The following POFUT2 variants were observed in gnomAD, a reference collection of about 807,000 sequenced individuals.
The protein encoded by POFUT2 is GDP-fucose protein O-fucosyltransferase 2.
Under a neutral mutation model 55.0 loss-of-function variants are expected in POFUT2, and 30 were observed. The observed-to-expected ratio is 0.55, with a 90% CI of 0.41 to 0.74. POFUT2 has a LOEUF of 0.74. Ranked by LOEUF, POFUT2 falls within the 30% of genes least tolerant of loss-of-function variation. POFUT2 has a pLI of 0.00. For synonymous variants in POFUT2, 267 were observed against 231.1 expected (o/e 1.16, Z -1.41); for missense variants, 524 against 562.6 (o/e 0.93, Z 0.69).
intron 4 of POFUT2, among the ~76,000 whole-genome samples, chr21:45,278,470 G>T (rs2030097912): frequency 6.6e-6 from 1 of 152,230 alleles, no homozygotes; most frequent in South Asian, 2.1e-4. Context: ...TTGGAATCCA[G>T]GATCCACCGA....
In POFUT2 at chr21:45,267,553, C is replaced by G. The variant is rs150469315; in HGVS notation, c.1136+37G>C. 3 of 1,614,154 alleles carry G rather than the reference C, an allele frequency of 1.9e-6. No homozygotes were observed. Among genetic ancestry groups the G allele is most frequent in the Non-Finnish European group, 2.5e-6 (3 of 1,180,034 alleles). On this transcript the variant is annotated intron_variant, in intron 8 of 8. Coordinates refer to ENST00000349485, the MANE Select transcript of POFUT2 (RefSeq NM_133635.6). This position sits in a 1 kb window ranked among gnomAD's most constrained non-coding sequence, Gnocchi z 4.4. ...GACAGAAGAACCTTTGAAAGCCACC[C>G]GACCCGCTCTCGGCCGACAGTGACG...
In POFUT2 at chr21:45,265,195, T is replaced by G; in HGVS notation, c.*287A>C. 1 of 305,080 alleles carries G rather than the reference T, an allele frequency of 3.3e-6. No individual in the cohort carries two copies. The allele number at this position is 305,080 out of a possible 1,614,324, so 18.9% of individuals were successfully genotyped here. ...CCTGACAAACACTCCTGCTTCTGGG[T>G]CACCACGCGGGCACTGCTGGCAACC... On this transcript the variant is annotated 3_prime_UTR_variant, in exon 9 of 9. Transcript: ENST00000349485. The surrounding 1 kb of genome is among the most constrained non-coding windows in gnomAD (Gnocchi z 4.6).
Position 45,287,894 on chromosome 21 carries a change from C to A in POFUT2, c.-23G>T, listed in dbSNP as rs1269876080. ...CATGGCCCCGGGCGGCCACGCACTT[C>A]CGGCGGCCGCGCCCCGCCCCGGAAC... is the stretch of plus-strand genomic sequence containing the variant. On this transcript the variant is annotated 5_prime_UTR_variant, in exon 1 of 9. Coordinates refer to ENST00000349485, the MANE Select transcript of POFUT2 (RefSeq NM_133635.6). 8 of 1,302,304 alleles carry A rather than the reference C, an allele frequency of 6.1e-6. No individual in the cohort carries two copies. The highest frequency in any genetic ancestry group is 7.9e-6 in the Non-Finnish European group (8 of 1,018,970). The allele number at this position is 1,302,304 out of a possible 1,614,324, so 80.7% of individuals were successfully genotyped here. A position where few individuals can be genotyped will look rare whatever the true frequency, so the allele number is the denominator to read the frequency against.
At position 45,266,867 on chromosome 21, in the gene POFUT2, T is replaced by G. The variant is rs144746148; in HGVS notation, c.1136+723A>C. The stretch of plus-strand genomic sequence containing the variant: ...AAGATCATTCCCTCTACTTTCATTT[T>G]CCATTTAACTCAAACCGTTTCACCC... On this transcript the variant is annotated intron_variant, in intron 8 of 8. Transcript: ENST00000349485. 7.9e-4 allele frequency: 790 copies of G among 1,004,908 alleles called. 5 individuals carry two copies. The African/African-American group carries it at 0.011, about 14-fold the overall frequency. 62.2% of individuals were successfully genotyped at this position (1,004,908 alleles called of 1,614,324 possible). A position where few individuals can be genotyped will look rare whatever the true frequency, so the allele number is the denominator to read the frequency against.
chr21:45,272,646 G>A (rs1171248232), intron 6 of POFUT2, among the ~76,000 whole-genome samples: 5 of 152,150 alleles, frequency 3.3e-5, no homozygotes, highest in Admixed American at 3.3e-4. Context: ...TAAACCATAT[G>A]ATTGGCCACA....
rs1262015189 is a variant in POFUT2 at position 45,267,276 on chromosome 21, A to T, written c.1136+314T>A. 2.8e-5 allele frequency: 40 copies of T among 1,444,214 alleles called. No homozygotes were observed. Among genetic ancestry groups the T allele is most frequent in the Non-Finnish European group, 3.6e-5 (40 of 1,105,056 alleles). 89.5% of individuals were successfully genotyped at this position (1,444,214 alleles called of 1,614,324 possible). On this transcript the variant is annotated intron_variant, in intron 8 of 8. Coordinates refer to ENST00000349485, the MANE Select transcript of POFUT2 (RefSeq NM_133635.6). The surrounding 1 kb of genome is among the most constrained non-coding windows in gnomAD (Gnocchi z 4.4). ...ACGGGCAACTCTCAGGGCAGGGGGC[A>T]GACAGGGGCAGAAACCGGGAATGAT... is the stretch of plus-strand genomic sequence containing the variant.
chr21:45,278,958 C>T (rs775935213), intron 4 of POFUT2, among the ~76,000 whole-genome samples: 1 of 152,074 alleles, frequency 6.6e-6, no homozygotes, highest in Non-Finnish European at 1.5e-5. Context: ...TTGAGCCAAC[C>T]GTCTCACCAA....
At chr21:45,276,415 G>A (rs2093264558) in intron 6 of POFUT2, among the ~76,000 whole-genome samples, 1 of 152,030 alleles carries the variant, frequency 6.6e-6, no homozygotes, top group African/African-American at 2.4e-5. Flanking sequence ...GAGTAAAATG[G>A]CACTTCTATG....
Position 45,284,872 on chromosome 21 carries a change from G to A in POFUT2, c.382+806C>T, listed in dbSNP as rs897547226. Among the ~76,000 whole-genome samples, 1 of 152,186 alleles carries A rather than the reference G, an allele frequency of 6.6e-6. No individual in the cohort carries two copies. Among genetic ancestry groups the A allele is most frequent in the African/African-American group, 2.4e-5 (1 of 41,450 alleles). Reference sequence around the variant, plus strand: ...CTTGGTATCAACAAGGATGTTGGAGGTTACCGCCTGTTGTTGCATGCCCCT... The same window carrying A: ...CTTGGTATCAACAAGGATGTTGGAGATTACCGCCTGTTGTTGCATGCCCCT... On this transcript the variant is annotated intron_variant, in intron 2 of 8. Coordinates refer to ENST00000349485, the MANE Select transcript of POFUT2 (RefSeq NM_133635.6). This position sits in a 1 kb window ranked among gnomAD's most constrained non-coding sequence, Gnocchi z 5.8.
Position 45,267,426 on chromosome 21 carries a change from C to T in POFUT2, c.1136+164G>A, listed in dbSNP as rs1169560215. 1 of 1,611,480 alleles carries T rather than the reference C, an allele frequency of 6.2e-7. No individual in the cohort carries two copies. Among genetic ancestry groups the T allele is most frequent in the Admixed American group, 1.7e-5 (1 of 59,942 alleles). Reference sequence around the variant, plus strand: ...AACAATTAACTTCAGCCCAGGGAAACACTGAACCAGATGCTACAGGAGACT... The same window carrying T: ...AACAATTAACTTCAGCCCAGGGAAATACTGAACCAGATGCTACAGGAGACT... On this transcript the variant is annotated intron_variant, in intron 8 of 8. Coordinates refer to ENST00000349485, the MANE Select transcript of POFUT2 (RefSeq NM_133635.6). This position sits in a 1 kb window ranked among gnomAD's most constrained non-coding sequence, Gnocchi z 4.4.
rs554129868 is a variant in POFUT2, at chr21:45,267,982, CCTT to C, written c.1013-272_1013-270del. ...AAAGAAACGTGCTCCCTCTCCCTCTCCTTCTCCCTCTCCCTCTCCCCACGGTCT... is the reference window on the plus strand; with the variant it reads ...AAAGAAACGTGCTCCCTCTCCCTCTCCTCCCTCTCCCTCTCCCCACGGTCT... On this transcript the variant is annotated intron_variant, in intron 7 of 8. Transcript: ENST00000349485. The surrounding 1 kb of genome is among the most constrained non-coding windows in gnomAD (Gnocchi z 4.4). Among the ~76,000 whole-genome samples, 762 of 152,066 alleles carry C rather than the reference CCTT, an allele frequency of 5.0e-3. 3 individuals are homozygous for C. Among genetic ancestry groups the C allele is most frequent in the Non-Finnish European group, 8.2e-3 (554 of 67,892 alleles).
chr21:45,268,774 C>T (rs1477616454), intron 7 of POFUT2, among the ~76,000 whole-genome samples: 3 of 148,846 alleles, frequency 2.0e-5, no homozygotes, highest in Admixed American at 6.7e-5. Flanking sequence ...AAGTGAGGAG[C>T]GTCTCCGCCC....
chr21:45,287,654 G>T, intron 1 of POFUT2, 87 bp downstream of exon 1: 1 of 1,045,318 alleles, frequency 9.6e-7, no homozygotes. Context: ...CATCTCCCTG[G>T]CCCCTGACCC....
chr21:45,266,596 G>T, intron 8 of POFUT2: 1 of 1,058,278 alleles, frequency 9.4e-7, no homozygotes. Context: ...CTGGGCTCCT[G>T]CACACCTCCG....
Position 45,281,680 on chromosome 21 carries a change from C to A in POFUT2, c.638+669G>T, listed in dbSNP as rs145703356. Among the ~76,000 whole-genome samples, 9 of 152,156 alleles carry A rather than the reference C, an allele frequency of 5.9e-5. 1 individual carries two copies. In the South Asian group the frequency reaches 1.7e-3, roughly 28 times the overall value. On this transcript the variant is annotated intron_variant, in intron 4 of 8. Coordinates refer to ENST00000349485, the MANE Select transcript of POFUT2 (RefSeq NM_133635.6). The surrounding 1 kb of genome is among the most constrained non-coding windows in gnomAD (Gnocchi z 5.0). ...TGGGCAAGTGCGAGGGGCACCCGTGCCCTGCTATGCCTGGTCTATGGGAGA... is the reference window on the plus strand; with the variant it reads ...TGGGCAAGTGCGAGGGGCACCCGTGACCTGCTATGCCTGGTCTATGGGAGA...
Position 45,267,183 on chromosome 21 carries a change from C to T in POFUT2, c.1136+407G>A, listed in dbSNP as rs184105028. 5.3e-4 allele frequency: 708 copies of T among 1,346,832 alleles called. 3 individuals are homozygous for T. The African/African-American group carries it at 9.9e-3, about 19-fold the overall frequency. The allele number at this position is 1,346,832 out of a possible 1,614,324, so 83.4% of individuals were successfully genotyped here. On this transcript the variant is annotated intron_variant, in intron 8 of 8. Coordinates refer to ENST00000349485, the MANE Select transcript of POFUT2 (RefSeq NM_133635.6). This position sits in a 1 kb window ranked among gnomAD's most constrained non-coding sequence, Gnocchi z 4.4. ...GAGAATGATCACACGAGGGCCCACGCTCCCGGCCTCGGGGACGCTCACGGA... is the reference window on the plus strand; with the variant it reads ...GAGAATGATCACACGAGGGCCCACGTTCCCGGCCTCGGGGACGCTCACGGA...
chr21:45,281,899 A>G lies in POFUT2; in HGVS notation c.638+450T>C, dbSNP rs909819821. On this transcript the variant is annotated intron_variant, in intron 4 of 8. Coordinates refer to ENST00000349485, the MANE Select transcript of POFUT2 (RefSeq NM_133635.6). The surrounding 1 kb of genome is among the most constrained non-coding windows in gnomAD (Gnocchi z 5.0). ...GGCCCAGCTCACCAGGCCGGCGACC[A>G]CTTGAGGCAGACGCATGGCCAAAGG... Among the ~76,000 whole-genome samples the G allele has an allele frequency of 3.3e-5, 5 of 152,040 alleles. No individual in the cohort carries two copies. The highest frequency in any genetic ancestry group is 1.2e-4 in the African/African-American group (5 of 41,404).
At chr21:45,268,194 G>A (rs1320824077) in intron 7 of POFUT2, among the ~76,000 whole-genome samples, 6 of 152,222 alleles carry the variant, frequency 3.9e-5, no homozygotes, top group East Asian at 1.9e-4. Context: ...TGTGTTGGCC[G>A]GGCCGGTCTC....
In POFUT2 at chr21:45,281,611, A is replaced by G. The variant is rs140476887; in HGVS notation, c.638+738T>C. ...AACAGGATCGTGGCTGATGGCCTCT[A>G]GAGGCACACACAGGGCACGACAGCA... On this transcript the variant is annotated intron_variant, in intron 4 of 8. Coordinates refer to ENST00000349485, the MANE Select transcript of POFUT2 (RefSeq NM_133635.6). The surrounding 1 kb of genome is among the most constrained non-coding windows in gnomAD (Gnocchi z 5.0). Among the ~76,000 whole-genome samples the G allele has an allele frequency of 6.6e-6, 1 of 152,176 alleles. No individual in the cohort carries two copies. Among genetic ancestry groups the G allele is most frequent in the Non-Finnish European group, 1.5e-5 (1 of 67,988 alleles).
Sources: gnomAD v4.1 joint callset for allele counts (sites outside exome capture counted in the v4.1 genomes callset) on GRCh38, gnomAD v4.1.1 for gene constraint, Gnocchi (gnomAD v3.1) non-coding constraint, MANE v1.5 for transcripts, NCBI Gene and HGNC (gene_info 2026-07-23, HGNC 2026-07-21) for gene names.